SENP1: variants seen among roughly 807,000 people sequenced by gnomAD.
SENP1 encodes the protein SUMO specific peptidase 1.
Under a neutral mutation model 93.0 loss-of-function variants are expected in SENP1, and 21 were observed. The observed-to-expected ratio is 0.23, with a 90% confidence interval of 0.16 to 0.33. The LOEUF (loss-of-function observed/expected upper bound fraction) is 0.33. SENP1 is among the 10% of genes least tolerant of loss of function. SENP1 has a pLI of 1.00. For synonymous variants in SENP1, 256 were observed against 259.6 expected, an observed-to-expected ratio of 0.99 and a Z score of 0.13; for missense variants, 591 against 758.7, an observed-to-expected ratio of 0.78 and a Z score of 2.60.
At chr12:48,089,632 G>A (rs1945097875) in intron 4 of SENP1, among the ~76,000 whole-genome samples, 1 of 152,166 alleles carries the variant, frequency 6.6e-6, no homozygotes. Context: ...TTTCTAACTT[G>A]TGGATTACAA....
intron 6 of SENP1, among the ~76,000 whole-genome samples, chr12:48,082,765 T>C (rs1475044562): frequency 6.6e-6 from 1 of 152,240 alleles, no homozygotes; most frequent in African/African-American, 2.4e-5. Context: ...ACAGAACATC[T>C]TTCTTTTCAG....
At chr12:48,088,056 CTTTT>C (rs72405174) in intron 5 of SENP1, among the ~76,000 whole-genome samples, 3 of 146,826 alleles carry the variant, frequency 2.0e-5, no homozygotes, top group South Asian at 4.3e-4. Context: ...CTGTGACTAT[CTTTT>C]TTTTTTTTTC....
chr12:48,065,997 C>T (rs1943270802), intron 10 of SENP1, among the ~76,000 whole-genome samples: 1 of 152,106 alleles, frequency 6.6e-6, no homozygotes. Context: ...GCCATTGCAC[C>T]CGACCTATTT....
chr12:48,053,483 A>T (rs78893673), intron 13 of SENP1, among the ~76,000 whole-genome samples: 1 of 148,692 alleles, frequency 6.7e-6, no homozygotes, highest in Non-Finnish European at 1.5e-5. Flanking sequence ...GTCTCAGGAA[A>T]AAAAAAAAAA....
chr12:48,048,662 T>C (rs907407655), intron 14 of SENP1, among the ~76,000 whole-genome samples: 25 of 152,130 alleles, frequency 1.6e-4, no homozygotes, highest in African/African-American at 6.0e-4. Flanking sequence ...TCACTTTTTT[T>C]CCCCCATGCC....
chr12:48,090,833 G>C (rs12301562), intron 4 of SENP1, among the ~76,000 whole-genome samples: 18,540 of 152,100 alleles, frequency 0.12, 1,473 homozygotes, highest in African/African-American at 0.22. Flanking sequence ...CCTGGCCTTA[G>C]GTGATACTTC....
rs1214145169 is a variant in SENP1 at position 48,098,112 on chromosome 12, T to C, written c.17A>G (p.Asp6Gly). Residue 6 changes from aspartate to glycine, a missense_variant, in exon 3 of 18, where the codon GAT becomes GGT. By Grantham distance (94) the Asp-to-Gly change is moderately conservative (BLOSUM62 -1). Transcript: ENST00000549518. MDDIA[D>G]RMRMDAGEVT... ...TTCTCCAGCATCCATCCTCATCCTA[T>C]CAGCAATATCATCTGGGGAGACAGT... 1.2e-6 allele frequency: 2 copies of C among 1,613,486 alleles called. No individual in the cohort carries two copies. Among genetic ancestry groups the C allele is most frequent in the Admixed American group, 1.7e-5 (1 of 59,984 alleles).
chr12:48,085,183 A>G lies in SENP1; in HGVS notation c.381-1421T>C, dbSNP rs1381378057. 2.7e-6 allele frequency: 4 copies of G among 1,464,162 alleles called. No homozygotes were observed. The African/African-American group carries it at 5.6e-5, about 20-fold the overall frequency. 90.7% of individuals were successfully genotyped at this position (1,464,162 alleles called of 1,614,324 possible). A position where few individuals can be genotyped will look rare whatever the true frequency, so the allele number is the denominator to read the frequency against. On this transcript the variant is annotated intron_variant, in intron 5 of 17. Coordinates refer to ENST00000549518, the MANE Select transcript of SENP1 (RefSeq NM_001267594.2). ...CACCCCAATTTCCTGGTGGTGGAGA[A>G]GGATACGACCATCAATGAGATCGAA...
intron 1 of SENP1, among the ~76,000 whole-genome samples, chr12:48,103,862 T>C (rs1218905909): frequency 6.6e-6 from 1 of 151,854 alleles, no homozygotes; most frequent in East Asian, 1.9e-4. Flanking sequence ...ACCTTACATA[T>C]ATGCAAAAAG....
At chr12:48,047,963 C>T in intron 15 of SENP1, 38 bp downstream of exon 15, 1 of 1,358,192 alleles carries the variant, frequency 7.4e-7, no homozygotes, top group South Asian at 1.2e-5. Flanking sequence ...CCACCTATAC[C>T]CGATATCAAA....
chr12:48,062,687 T>A (rs1943036055), intron 13 of SENP1, among the ~76,000 whole-genome samples: 1 of 152,228 alleles, frequency 6.6e-6, no homozygotes, highest in South Asian at 2.1e-4. Context: ...CTCTGCTGTT[T>A]ACTAGCTGTA....
intron 13 of SENP1, among the ~76,000 whole-genome samples, chr12:48,058,448 A>G (rs1483457854): frequency 6.6e-6 from 1 of 151,832 alleles, no homozygotes; most frequent in Non-Finnish European, 1.5e-5. Context: ...TGTATTTTTA[A>G]AGCTCCATTT....
intron 13 of SENP1, among the ~76,000 whole-genome samples, chr12:48,058,681 T>C (rs1200676550): frequency 6.6e-6 from 1 of 152,202 alleles, no homozygotes; most frequent in Admixed American, 6.5e-5. Context: ...CCACAGTATG[T>C]TGTTTTAGTT....
chr12:48,104,994 C>T (rs1159039994), intron 1 of SENP1: 1 of 165,754 alleles, frequency 6.0e-6, no homozygotes, highest in African/African-American at 2.4e-5. Flanking sequence ...TGCGCTTTAA[C>T]TGTAATTTCA....
In SENP1 at chr12:48,045,401, A is replaced by C; in HGVS notation, c.1873-17T>G. ...CATGTGTTGCTGTAGGGACACAGAGACACCCTTAATTTTCAATGCTTTTGT... is the reference window on the plus strand; with the variant it reads ...CATGTGTTGCTGTAGGGACACAGAGCCACCCTTAATTTTCAATGCTTTTGT... On this transcript the variant is annotated splice_polypyrimidine_tract_variant and intron_variant, in intron 17 of 17. Transcript: ENST00000549518. 3.1e-6 allele frequency: 5 copies of C among 1,611,646 alleles called. No individual in the cohort carries two copies. Among genetic ancestry groups the C allele is most frequent in the Non-Finnish European group, 3.4e-6 (4 of 1,177,914 alleles).
chr12:48,048,029 T>A lies in SENP1; in HGVS notation c.1663A>T (p.Ile555Leu), dbSNP rs1344093383. ...AGTATTCTGCAGGCTTCATTGTTTATCCCACCCATGGAGTCGTAATAGGTA... is the reference window on the plus strand; with the variant it reads ...AGTATTCTGCAGGCTTCATTGTTTAACCCACCCATGGAGTCGTAATAGGTA... ...NITYYDSMGG[I>L]NNEACRILLQ... The change falls in exon 15 of 18, where the codon ATA becomes TTA. Residue 555 changes from isoleucine (I) to leucine (L), a missense_variant. Physicochemically the swap from Ile to Leu is conservative, Grantham distance 5. Transcript: ENST00000549518. 1 of 1,608,056 alleles carries A rather than the reference T, an allele frequency of 6.2e-7. No homozygotes were observed. The highest frequency in any genetic ancestry group is 8.5e-7 in the Non-Finnish European group (1 of 1,174,788).
At chr12:48,054,140 G>A (rs1218835754) in intron 13 of SENP1, among the ~76,000 whole-genome samples, 2 of 152,080 alleles carry the variant, frequency 1.3e-5, no homozygotes, top group Non-Finnish European at 2.9e-5. Flanking sequence ...GGGTGCATAG[G>A]ATCGATCTAC....
chr12:48,052,194 T>C (rs1257137279), intron 13 of SENP1, among the ~76,000 whole-genome samples: 1 of 152,228 alleles, frequency 6.6e-6, no homozygotes, highest in Non-Finnish European at 1.5e-5. Context: ...ATCTTTTTCC[T>C]GTACATTACC....
intron 5 of SENP1, among the ~76,000 whole-genome samples, chr12:48,087,141 T>A (rs942261852): frequency 6.6e-6 from 1 of 152,124 alleles, no homozygotes; most frequent in Non-Finnish European, 1.5e-5. Context: ...AAAACTAAAC[T>A]AACTATAAAA....
Sources: gnomAD v4.1 joint callset for allele counts (sites outside exome capture counted in the v4.1 genomes callset) on GRCh38, gnomAD v4.1.1 for gene constraint, MANE v1.5 for transcripts, NCBI Gene and HGNC (gene_info 2026-07-23, HGNC 2026-07-21) for gene names.